The following DERL2 variants were observed in gnomAD, a reference collection of about 807,000 sequenced individuals.
The protein encoded by DERL2 is derlin 2.
Under a neutral mutation model 32.0 loss-of-function variants are expected in DERL2, and 13 were observed. The ratio of observed to expected loss-of-function variants is 0.41; its 90% confidence interval spans 0.26 to 0.65. The LOEUF (loss-of-function observed/expected upper bound fraction) is 0.65. Ranked by LOEUF, DERL2 falls within the 30% of genes least tolerant of loss-of-function variation. DERL2 has a pLI of 0.35. For synonymous variants in DERL2, 111 were observed against 104.7 expected (o/e 1.06, Z -0.37); for missense variants, 208 against 296.3 (o/e 0.70, Z 2.19).
chr17:5,480,204 C>A, intron 5 of DERL2, 60 bp from the exon 6 acceptor site: 1 of 1,283,492 alleles, frequency 7.8e-7, no homozygotes, highest in Non-Finnish European at 1.1e-6. Context: ...TGCAGGTAGA[C>A]CTACCAACAC....
At position 5,474,712 on chromosome 17, in the gene DERL2, C is replaced by T. The variant is rs1212817053; in HGVS notation, c.692G>A (p.Trp231Ter). 1.9e-6 allele frequency: 3 copies of T among 1,612,942 alleles called. No individual in the cohort carries two copies. The highest frequency in any genetic ancestry group is 1.7e-6 in the Non-Finnish European group (2 of 1,179,624). Residue 231 changes from tryptophan to a stop codon, truncating the protein, a stop_gained, in exon 7 of 7, where the codon TGG (tryptophan) becomes TAG (stop). Coordinates refer to ENST00000158771, the MANE Select transcript of DERL2 (RefSeq NM_016041.5). LOFTEE classifies it high-confidence loss of function. This position sits in a 1 kb window ranked among gnomAD's most constrained non-coding sequence, Gnocchi z 4.3. ...LPEERPGGFAWGEGQRLGG is the reference protein window; with the variant it reads ...LPEERPGGFA ...ACCTCCAAGCCGCTGGCCCTCACCC[C>T]AGGCGAAGCCTCCTGGCCGTTCCTC...
At chr17:5,483,751 T>G (rs766365806) in intron 2 of DERL2, among the ~76,000 whole-genome samples, 5 of 152,192 alleles carry the variant, frequency 3.3e-5, no homozygotes, top group African/African-American at 4.8e-5. Flanking sequence ...ATGGCAAATC[T>G]AGAACTCCTA....
intron 5 of DERL2, 36 bp from the exon 6 acceptor site, chr17:5,480,180 A>G: frequency 5.5e-6 from 8 of 1,456,972 alleles, no homozygotes; most frequent in East Asian, 2.3e-5. Flanking sequence ...GAGGGAGAGA[A>G]TTAAAATTTA....
At chr17:5,478,741 T>A (rs1905556751) in intron 6 of DERL2, among the ~76,000 whole-genome samples, 1 of 152,222 alleles carries the variant, frequency 6.6e-6, no homozygotes, top group South Asian at 2.1e-4. Flanking sequence ...ACCATATCCA[T>A]ACCATGGAAT....
rs1202659953 is a variant in DERL2, at chr17:5,472,360, AAAGT to A, written c.*2320_*2323del. 1 of 152,196 alleles carries A rather than the reference AAAGT, an allele frequency of 6.6e-6. No individual in the cohort carries two copies. Among genetic ancestry groups the A allele is most frequent in the Non-Finnish European group, 1.5e-5 (1 of 68,036 alleles). 9.4% of individuals were successfully genotyped at this position (152,196 alleles called of 1,614,324 possible). A position where few individuals can be genotyped will look rare whatever the true frequency, so the allele number is the denominator to read the frequency against. ...TAAGATTGAGAGGTAAATTGGGGAG[AAAGT>A]AAGGACTTTTCCTTATGTCCATTCA... On this transcript the variant is annotated 3_prime_UTR_variant, in exon 7 of 7. Transcript: ENST00000158771.
At position 5,474,698 on chromosome 17, in the gene DERL2, G is replaced by T. The variant is rs1905278419; in HGVS notation, c.706C>A (p.Arg236=). 3.1e-6 allele frequency: 5 copies of T among 1,610,688 alleles called. No individual in the cohort carries two copies. The African/African-American group carries it at 6.7e-5, about 22-fold the overall frequency. The change falls in exon 7 of 7, where the codon CGG becomes AGG. Residue 236 remains arginine, a synonymous_variant. Transcript: ENST00000158771. This position sits in a 1 kb window ranked among gnomAD's most constrained non-coding sequence, Gnocchi z 4.3. ...GCACTGCTGCTTTAACCTCCAAGCC[G>T]CTGGCCCTCACCCCAGGCGAAGCCT... is the stretch of plus-strand genomic sequence containing the variant. The part of the protein sequence containing the change: ...PGGFAWGEGQ[R]LGG
At chr17:5,486,473 C>T (rs1258321005), upstream of DERL2, 1 of 276,734 alleles carries the variant, frequency 3.6e-6, no homozygotes, top group Non-Finnish European at 6.8e-6. Context: ...AACTTTCCCG[C>T]CCGGCCCCTT....
At chr17:5,484,628 A>G (rs1434716504) in intron 2 of DERL2, among the ~76,000 whole-genome samples, 1 of 152,250 alleles carries the variant, frequency 6.6e-6, no homozygotes, top group Non-Finnish European at 1.5e-5. Context: ...GATGTTTGGA[A>G]TTTGGTTAGT....
intron 5 of DERL2, 113 bp downstream of exon 5, chr17:5,480,274 T>C: frequency 8.1e-7 from 1 of 1,237,598 alleles, no homozygotes; most frequent in Non-Finnish European, 1.1e-6. Context: ...GAACTAATAT[T>C]GTGGTATTTT....
upstream of DERL2, chr17:5,486,356 GC>G (rs150601778): frequency 0.098 from 37,085 of 377,452 alleles, 1,889 homozygotes; most frequent in African/African-American, 0.19. Flanking sequence ...CGTCGCCACC[GC>G]CCCCCCCCAG....
At chr17:5,480,168 A>G in intron 5 of DERL2, 24 bp from the exon 6 acceptor site, 2 of 1,509,194 alleles carry the variant, frequency 1.3e-6, no homozygotes, top group Non-Finnish European at 1.8e-6. Context: ...GAAATAAAGG[A>G]TGAGGGAGAG....
intron 2 of DERL2, among the ~76,000 whole-genome samples, chr17:5,483,924 T>C (rs1265654516): frequency 6.6e-6 from 1 of 152,222 alleles, no homozygotes; most frequent in Non-Finnish European, 1.5e-5. Context: ...TTCTTGAGAA[T>C]TGTTAACTAT....
chr17:5,486,185 C>G (rs767320492), upstream of DERL2: 17 of 1,035,562 alleles, frequency 1.6e-5, no homozygotes, highest in South Asian at 1.1e-4. Flanking sequence ...GCCTGCCCCA[C>G]CCCCCACCCA....
Position 5,481,385 on chromosome 17 carries a change from G to T in DERL2, c.238C>A (p.Arg80Ser). 2 of 1,611,406 alleles carry T rather than the reference G, an allele frequency of 1.2e-6. No homozygotes were observed. Among genetic ancestry groups the T allele is most frequent in the Non-Finnish European group, 1.7e-6 (2 of 1,177,708 alleles). The change falls in exon 4 of 7, where the codon CGT becomes AGT. Residue 80 changes from arginine (R) to serine (S), a missense_variant. Arg to Ser is a moderately radical substitution (Grantham distance 110). Transcript: ENST00000158771. The surrounding 1 kb of genome is among the most constrained non-coding windows in gnomAD (Gnocchi z 4.4). The part of the protein sequence containing the change: ...NFLFNMIFLY[R>S]YCRMLEEGSF... Reference sequence around the variant, plus strand: ...CCTTCTTCTAGCATTCGACAGTAACGATATCTTAAGTTCCAAGTTAAGAAA... The same window carrying T: ...CCTTCTTCTAGCATTCGACAGTAACTATATCTTAAGTTCCAAGTTAAGAAA...
Position 5,481,706 on chromosome 17 carries a change from A to G in DERL2, c.234-317T>C, listed in dbSNP as rs1456611737. On this transcript the variant is annotated intron_variant, in intron 3 of 6. Transcript: ENST00000158771. This position sits in a 1 kb window ranked among gnomAD's most constrained non-coding sequence, Gnocchi z 4.4. ...GCTCTGTCACCTAGGATGGAGTGCA[A>G]TGGTGCCATATCGGCTCACTGCAAG... Among the ~76,000 whole-genome samples, 1 of 151,538 alleles carries G rather than the reference A, an allele frequency of 6.6e-6. No homozygotes were observed. The highest frequency in any genetic ancestry group is 1.5e-5 in the Non-Finnish European group (1 of 67,916).
chr17:5,480,528 G>A lies in DERL2; in HGVS notation c.382C>T (p.Leu128Phe). The A allele has an allele frequency of 6.3e-7, 1 of 1,595,966 alleles. No homozygotes were observed. Among genetic ancestry groups the A allele is most frequent in the Non-Finnish European group, 8.5e-7 (1 of 1,174,774 alleles). The change falls in exon 5 of 7, where the codon CTC becomes TTC. Residue 128 changes from leucine (L) to phenylalanine (F), a missense_variant. Around this residue, in one of 3 missense-constraint regions of DERL2, gnomAD observed 124 missense variants for 215.3 expected, o/e 0.58. Transcript: ENST00000158771. ...VFLGQAFTIM[L>F]VYVWSRRNPY... Reference sequence around the variant, plus strand: ...TTCCTTCGGCTCCACACATAGACGAGCATTATTGTAAAGGCCTGGCCCAAG... The same window carrying A: ...TTCCTTCGGCTCCACACATAGACGAACATTATTGTAAAGGCCTGGCCCAAG...
In DERL2 at chr17:5,471,797, A is replaced by C. The variant is rs1418247497; in HGVS notation, c.*2887T>G. 2.0e-5 allele frequency: 3 copies of C among 152,178 alleles called. No homozygotes were observed. The East Asian group carries it at 5.8e-4, about 29-fold the overall frequency. The allele number at this position is 152,178 out of a possible 1,614,324, so 9.4% of individuals were successfully genotyped here. Reference sequence around the variant, plus strand: ...GGATCATGACTAACAACATAGCTGGAACTCACCTGTCAAAGAAAAACAGCT... The same window carrying C: ...GGATCATGACTAACAACATAGCTGGCACTCACCTGTCAAAGAAAAACAGCT... On this transcript the variant is annotated 3_prime_UTR_variant, in exon 7 of 7. Coordinates refer to ENST00000158771, the MANE Select transcript of DERL2 (RefSeq NM_016041.5).
rs953455178 is a variant in DERL2 at position 5,481,640 on chromosome 17, G to C, written c.234-251C>G. Reference sequence around the variant, plus strand: ...CAGATGACACACAGACATGCTTTCAGTCCCCTATTCTTTTTTTTTTTTCTT... The same window carrying C: ...CAGATGACACACAGACATGCTTTCACTCCCCTATTCTTTTTTTTTTTTCTT... On this transcript the variant is annotated intron_variant, in intron 3 of 6. Coordinates refer to ENST00000158771, the MANE Select transcript of DERL2 (RefSeq NM_016041.5). The surrounding 1 kb of genome is among the most constrained non-coding windows in gnomAD (Gnocchi z 4.4). Among the ~76,000 whole-genome samples, 1 of 151,642 alleles carries C rather than the reference G, an allele frequency of 6.6e-6. No individual in the cohort carries two copies. Among genetic ancestry groups the C allele is most frequent in the Non-Finnish European group, 1.5e-5 (1 of 67,914 alleles).
Position 5,482,721 on chromosome 17 carries a change from A to G in DERL2, c.233+88T>C, listed in dbSNP as rs770989862. The G allele has an allele frequency of 1.0e-5, 8 of 764,780 alleles. No individual in the cohort carries two copies. In the African/African-American group the frequency reaches 1.2e-4, roughly 12 times the overall value. 47.4% of individuals were successfully genotyped at this position (764,780 alleles called of 1,614,324 possible). ...AGAAATCATAGCTAAGATGGTACCA[A>G]AAACAAGTAACAGGATGAAAAGTTT... On this transcript the variant is annotated intron_variant, in intron 3 of 6. Coordinates refer to ENST00000158771, the MANE Select transcript of DERL2 (RefSeq NM_016041.5).
Sources: gnomAD v4.1 joint callset for allele counts (sites outside exome capture counted in the v4.1 genomes callset) on GRCh38, gnomAD v4.1.1 for gene constraint, gnomAD v4.1.1 regional missense constraint, Gnocchi (gnomAD v3.1) non-coding constraint, MANE v1.5 for transcripts, NCBI Gene and HGNC (gene_info 2026-07-23, HGNC 2026-07-21) for gene names.